PPP2R2C: variants seen among roughly 807,000 people sequenced by gnomAD.
PPP2R2C encodes the protein protein phosphatase 2, regulatory subunit B, gamma.
PPP2R2C carries 10 observed loss-of-function variants against 45.3 expected under a neutral mutation model. The ratio of observed to expected loss-of-function variants is 0.22; its 90% confidence interval spans 0.14 to 0.37. The LOEUF (loss-of-function observed/expected upper bound fraction) is 0.37, where lower values mean the gene tolerates loss of function less well. PPP2R2C is among the 10% of genes least tolerant of loss of function. The pLI is 1.00. For synonymous variants in PPP2R2C, 257 were observed against 245.4 expected, an observed-to-expected ratio of 1.05 and a Z score of -0.44; for missense variants, 308 against 619.7, an observed-to-expected ratio of 0.50 and a Z score of 5.34.
At position 6,359,317 on chromosome 4, in the gene PPP2R2C, G is replaced by A. The variant is rs913655457; in HGVS notation, c.626-11307C>T. Among the ~76,000 whole-genome samples the A allele has an allele frequency of 1.1e-4, 17 of 152,246 alleles. No homozygotes were observed. In the East Asian group the frequency reaches 1.7e-3, roughly 16 times the overall value. Reference sequence around the variant, plus strand: ...CAATGAGAACACTCGGACACAGGGCGGGGAACATCACACACCAGGACCTGT... The same window carrying A: ...CAATGAGAACACTCGGACACAGGGCAGGGAACATCACACACCAGGACCTGT... On this transcript the variant is annotated intron_variant, in intron 5 of 8. Coordinates refer to ENST00000382599, the MANE Select transcript of PPP2R2C (RefSeq NM_020416.4).
rs563746141 is a variant in PPP2R2C, at chr4:6,499,112, G to T, written c.49+36159C>A. Among the ~76,000 whole-genome samples, 3 of 152,200 alleles carry T rather than the reference G, an allele frequency of 2.0e-5. No homozygotes were observed. In the South Asian group the frequency reaches 6.2e-4, roughly 32 times the overall value. On this transcript the variant is annotated intron_variant, in intron 2 of 9. Coordinates refer to the PPP2R2C transcript ENST00000506140. Reference sequence around the variant, plus strand: ...TTGGGAGGGGAAAAGCAAACCAGGCGGCTACTCCTGCTTTCAGGTGCCCTC... The same window carrying T: ...TTGGGAGGGGAAAAGCAAACCAGGCTGCTACTCCTGCTTTCAGGTGCCCTC...
At chr4:6,536,511 T>G (rs188003166) in intron 1 of PPP2R2C, among the ~76,000 whole-genome samples, 1 of 152,360 alleles carries the variant, frequency 6.6e-6, no homozygotes, top group Admixed American at 6.5e-5. Context: ...CTCATCATTT[T>G]AAAAGAATGT....
intron 1 of PPP2R2C, among the ~76,000 whole-genome samples, chr4:6,439,186 C>T (rs1344225508): frequency 1.4e-4 from 21 of 152,250 alleles, no homozygotes; most frequent in Admixed American, 1.4e-3. Context: ...AATACATTTG[C>T]TCTCCATTAA....
intron 6 of PPP2R2C, among the ~76,000 whole-genome samples, chr4:6,339,931 G>A (rs938481515): frequency 6.6e-6 from 1 of 152,208 alleles, no homozygotes; most frequent in Non-Finnish European, 1.5e-5. Context: ...GACGATGGGG[G>A]TTATGGATCC....
At chr4:6,554,406 G>A (rs1200868352) in intron 1 of PPP2R2C, among the ~76,000 whole-genome samples, 3 of 152,186 alleles carry the variant, frequency 2.0e-5, no homozygotes, top group Non-Finnish European at 4.4e-5. Context: ...AACTGACCCA[G>A]CTATCGTCTT....
chr4:6,439,881 T>G (rs1256789658), intron 1 of PPP2R2C, among the ~76,000 whole-genome samples: 1 of 152,182 alleles, frequency 6.6e-6, no homozygotes, highest in Non-Finnish European at 1.5e-5. Context: ...TGCTGCCTCT[T>G]GCAACACCAT....
At chr4:6,518,055 C>T (rs1395052961) in intron 2 of PPP2R2C, among the ~76,000 whole-genome samples, 6 of 152,178 alleles carry the variant, frequency 3.9e-5, no homozygotes, top group African/African-American at 1.4e-4. Context: ...TTCTATATAA[C>T]ACATGACTCA....
chr4:6,402,513 C>G (rs551082637), intron 1 of PPP2R2C, among the ~76,000 whole-genome samples: 3 of 152,188 alleles, frequency 2.0e-5, no homozygotes, highest in African/African-American at 7.2e-5. Flanking sequence ...TTCCTTCTTG[C>G]CTTCCTTCCT....
At chr4:6,413,488 T>C (rs1182244029) in intron 1 of PPP2R2C, among the ~76,000 whole-genome samples, 1 of 152,140 alleles carries the variant, frequency 6.6e-6, no homozygotes, top group Non-Finnish European at 1.5e-5. Context: ...GCATACTTAG[T>C]GAGCCCAACA....
At chr4:6,534,707 C>T (rs1041160495) in intron 2 of PPP2R2C, among the ~76,000 whole-genome samples, 9 of 152,154 alleles carry the variant, frequency 5.9e-5, no homozygotes, top group Admixed American at 1.3e-4. Context: ...CACACTCCCT[C>T]GGGCGCCTTC....
At chr4:6,515,066 CAT>C (rs1267054306) in intron 2 of PPP2R2C, among the ~76,000 whole-genome samples, 1 of 152,134 alleles carries the variant, frequency 6.6e-6, no homozygotes, top group Admixed American at 6.6e-5. Flanking sequence ...CCAACTTCCA[CAT>C]GAGGCCACAT....
At chr4:6,428,003 C>T (rs1406319267) in intron 1 of PPP2R2C, among the ~76,000 whole-genome samples, 2 of 152,192 alleles carry the variant, frequency 1.3e-5, no homozygotes, top group Non-Finnish European at 2.9e-5. Context: ...GACAGCAGAA[C>T]AGCTGGGGTG....
chr4:6,453,874 G>A (rs752845765), intron 1 of PPP2R2C, among the ~76,000 whole-genome samples: 3 of 152,242 alleles, frequency 2.0e-5, no homozygotes, highest in African/African-American at 4.8e-5. Context: ...GGAGGCAGAC[G>A]GCCAGAGGGG....
intron 6 of PPP2R2C, among the ~76,000 whole-genome samples, chr4:6,337,121 T>C (rs1733027121): frequency 3.0e-5 from 1 of 33,182 alleles, no homozygotes; most frequent in Non-Finnish European, 5.3e-5. Context: ...TGTATATATA[T>C]ATATATATAT....
intron 6 of PPP2R2C, among the ~76,000 whole-genome samples, chr4:6,346,135 C>T (rs531121450): frequency 6.6e-6 from 1 of 152,288 alleles, no homozygotes; most frequent in South Asian, 2.1e-4. Context: ...CCCAACAACC[C>T]CCTCAGTGGG....
At chr4:6,351,131 C>T (rs1394555059) in intron 5 of PPP2R2C, 2 of 659,574 alleles carry the variant, frequency 3.0e-6, no homozygotes, top group African/African-American at 2.0e-5. Context: ...ATACCAAAAC[C>T]CCGTCTCTAC....
chr4:6,512,917 T>G (rs1348534624), intron 2 of PPP2R2C, among the ~76,000 whole-genome samples: 1 of 152,018 alleles, frequency 6.6e-6, no homozygotes, highest in Non-Finnish European at 1.5e-5. Context: ...TCAGACCCAA[T>G]AAAACCACAC....
intron 6 of PPP2R2C, among the ~76,000 whole-genome samples, chr4:6,340,199 G>T (rs1041438577): frequency 6.6e-6 from 1 of 152,106 alleles, no homozygotes; most frequent in Non-Finnish European, 1.5e-5. Context: ...CCCCAGGCCC[G>T]GCACGCTCTC....
chr4:6,551,463 G>A (rs545328733), intron 1 of PPP2R2C, among the ~76,000 whole-genome samples: 1 of 152,302 alleles, frequency 6.6e-6, no homozygotes, highest in East Asian at 1.9e-4. Flanking sequence ...TTGTGGTATG[G>A]CCACAAGTCC....
Sources: gnomAD v4.1 joint callset for allele counts (sites outside exome capture counted in the v4.1 genomes callset) on GRCh38, gnomAD v4.1.1 for gene constraint, MANE v1.5 for transcripts, NCBI Gene and HGNC (gene_info 2026-07-23, HGNC 2026-07-21) for gene names.